ACAP2: variants seen among roughly 807,000 people sequenced by gnomAD.
ACAP2 encodes ArfGAP with coiled-coil, ankyrin repeat and PH domains 2.
In ACAP2, 39 loss-of-function variants were observed where a neutral mutation model predicts 115.8. The observed-to-expected ratio is 0.34, with a 90% CI of 0.26 to 0.44. The LOEUF (loss-of-function observed/expected upper bound fraction) is 0.44, where lower values mean the gene tolerates loss of function less well. ACAP2 is among the 20% of genes least tolerant of loss of function. The pLI, the probability that ACAP2 is intolerant of heterozygous loss-of-function variation, is 1.00. For synonymous variants in ACAP2, 289 were observed against 315.8 expected, an observed-to-expected ratio of 0.92 and a Z score of 0.90; for missense variants, 662 against 927.6, an observed-to-expected ratio of 0.71 and a Z score of 3.72.
intron 13 of ACAP2, among the ~76,000 whole-genome samples, chr3:195,305,346 A>G (rs1026210701): frequency 1.3e-5 from 2 of 152,180 alleles, no homozygotes; most frequent in African/African-American, 2.4e-5. Flanking sequence ...AAGCTTCAAC[A>G]TCAACACTGG....
intron 4 of ACAP2, among the ~76,000 whole-genome samples, chr3:195,372,813 C>G (rs1282233310): frequency 6.6e-6 from 1 of 151,752 alleles, no homozygotes. Context: ...AACTCTGTCT[C>G]AAAACAAAAT....
At chr3:195,334,878 T>C (rs1270535059) in intron 7 of ACAP2, among the ~76,000 whole-genome samples, 3 of 152,174 alleles carry the variant, frequency 2.0e-5, no homozygotes, top group Non-Finnish European at 4.4e-5. Context: ...TTCATTAGAA[T>C]GATCAGGACA....
chr3:195,376,298 G>A (rs2108740502), intron 4 of ACAP2, among the ~76,000 whole-genome samples: 1 of 152,228 alleles, frequency 6.6e-6, no homozygotes, highest in South Asian at 2.1e-4. Context: ...GGAGGCGGAT[G>A]CACAAGAATC....
chr3:195,374,884 C>T (rs1047741224), intron 4 of ACAP2, among the ~76,000 whole-genome samples: 2 of 151,712 alleles, frequency 1.3e-5, no homozygotes, highest in East Asian at 3.9e-4. Flanking sequence ...TTGAAGCAAG[C>T]TCAGCCTTAT....
intron 4 of ACAP2, among the ~76,000 whole-genome samples, chr3:195,365,731 G>C (rs1222070690): frequency 6.6e-6 from 1 of 152,036 alleles, no homozygotes; most frequent in Non-Finnish European, 1.5e-5. Flanking sequence ...AATCTCATTA[G>C]GCCTAAAATC....
intron 2 of ACAP2, among the ~76,000 whole-genome samples, chr3:195,389,561 C>T (rs2108767383): frequency 6.6e-6 from 1 of 152,290 alleles, no homozygotes; most frequent in African/African-American, 2.4e-5. Flanking sequence ...TGCCCCTCTA[C>T]ATACTCTCTC....
At chr3:195,384,526 A>G (rs1265489699) in intron 2 of ACAP2, among the ~76,000 whole-genome samples, 1 of 152,174 alleles carries the variant, frequency 6.6e-6, no homozygotes, top group African/African-American at 2.4e-5. Context: ...CAGGAGTTCA[A>G]GACCAGCCTG....
chr3:195,422,061 T>C (rs889641582), intron 1 of ACAP2, among the ~76,000 whole-genome samples: 6 of 152,100 alleles, frequency 3.9e-5, no homozygotes, highest in Non-Finnish European at 8.8e-5. Flanking sequence ...ATTTTTTGTG[T>C]ATCGAAAAAA....
chr3:195,345,397 C>T, intron 4 of ACAP2, 80 bp from the exon 5 acceptor site: 2 of 804,250 alleles, frequency 2.5e-6, no homozygotes, highest in Non-Finnish European at 4.2e-6. Flanking sequence ...TACCACATCC[C>T]TCCATCAATT....
At chr3:195,314,263 ATTT>A (rs111680834) in intron 10 of ACAP2, among the ~76,000 whole-genome samples, 1 of 142,054 alleles carries the variant, frequency 7.0e-6, no homozygotes, top group Admixed American at 7.0e-5. Context: ...GAGAAAGAAG[ATTT>A]TTTTTTTTTC....
intron 9 of ACAP2, among the ~76,000 whole-genome samples, chr3:195,324,733 G>A (rs568882486): frequency 3.3e-5 from 5 of 151,818 alleles, no homozygotes; most frequent in Non-Finnish European, 5.9e-5. Flanking sequence ...CAGCCTGGGC[G>A]ACAGGACCAA....
At chr3:195,432,480 T>G (rs1409904696) in intron 1 of ACAP2, among the ~76,000 whole-genome samples, 1 of 152,248 alleles carries the variant, frequency 6.6e-6, no homozygotes, top group Non-Finnish European at 1.5e-5. Flanking sequence ...GGTACCTCTG[T>G]TAAAACTGGC....
At chr3:195,373,313 C>G (rs58204696) in intron 4 of ACAP2, among the ~76,000 whole-genome samples, 25,749 of 151,726 alleles carry the variant, frequency 0.17, 2,420 homozygotes, top group Admixed American at 0.28. Context: ...TAAAAGTATG[C>G]ATGTAGATAT....
chr3:195,339,340 A>T (rs1032484449), intron 6 of ACAP2, among the ~76,000 whole-genome samples: 1 of 152,314 alleles, frequency 6.6e-6, no homozygotes, highest in Admixed American at 6.5e-5. Flanking sequence ...GTAAAGAAGA[A>T]GCTGCAAATA....
At chr3:195,294,095 C>T (rs1270784395) in intron 18 of ACAP2, among the ~76,000 whole-genome samples, 1 of 151,428 alleles carries the variant, frequency 6.6e-6, no homozygotes, top group African/African-American at 2.4e-5. Flanking sequence ...GCGAAGATCG[C>T]ACCACTGTAC....
At chr3:195,359,884 AT>A (rs1325268954) in intron 4 of ACAP2, among the ~76,000 whole-genome samples, 1 of 152,232 alleles carries the variant, frequency 6.6e-6, no homozygotes, top group Admixed American at 6.5e-5. Context: ...CTACAAACAT[AT>A]AATAAATAAG....
chr3:195,388,785 G>A (rs1049082552), intron 2 of ACAP2, among the ~76,000 whole-genome samples: 4 of 152,296 alleles, frequency 2.6e-5, no homozygotes, highest in Admixed American at 2.6e-4. Flanking sequence ...ACTTTGGGAG[G>A]CCAAGGCGGG....
At chr3:195,436,112 T>C (rs1199395191) in intron 1 of ACAP2, among the ~76,000 whole-genome samples, 1 of 133,792 alleles carries the variant, frequency 7.5e-6, no homozygotes, top group Admixed American at 8.4e-5. Flanking sequence ...GATATATACA[T>C]ATATATGTAT....
intron 21 of ACAP2, among the ~76,000 whole-genome samples, chr3:195,286,825 G>A (rs556945951): frequency 6.6e-6 from 1 of 152,342 alleles, no homozygotes; most frequent in African/African-American, 2.4e-5. Context: ...TTATTTTTAA[G>A]GGAAGGGTCC....
Sources: gnomAD v4.1 joint callset for allele counts (sites outside exome capture counted in the v4.1 genomes callset) on GRCh38, gnomAD v4.1.1 for gene constraint, MANE v1.5 for transcripts, NCBI Gene and HGNC (gene_info 2026-07-23, HGNC 2026-07-21) for gene names.